The following APOL1 variants were observed in gnomAD, a reference collection of about 807,000 sequenced individuals.
APOL1 encodes the protein apolipoprotein L1.
APOL1 carries 17 observed loss-of-function variants against 14.9 expected under a neutral mutation model. The ratio of observed to expected loss-of-function variants is 1.14; its 90% CI spans 0.78 to 1.71. The LOEUF (loss-of-function observed/expected upper bound fraction) is 1.71. Among genes scored for constraint, APOL1 ranks in the 40% most tolerant of loss-of-function variants. The probability of loss-of-function intolerance (pLI) is 0.00; values close to 1 mark genes in which losing one functional copy is unlikely to be tolerated. For synonymous variants in APOL1, 195 were observed against 184.8 expected, an observed-to-expected ratio of 1.05 and a Z score of -0.45; for missense variants, 523 against 485.9, an observed-to-expected ratio of 1.08 and a Z score of -0.72.
chr22:36,263,624 T>G (rs1415258013), intron 5 of APOL1, among the ~76,000 whole-genome samples: 3 of 152,246 alleles, frequency 2.0e-5, no homozygotes, highest in African/African-American at 7.2e-5. Flanking sequence ...GGACGCTGTG[T>G]TCTCCTGTGT....
chr22:36,256,071 G>T (rs561479985), intron 2 of APOL1, among the ~76,000 whole-genome samples: 1 of 152,018 alleles, frequency 6.6e-6, no homozygotes, highest in South Asian at 2.1e-4. Context: ...CTTCTCCTTC[G>T]TTCAGTGCTT....
Position 36,265,579 on chromosome 22 carries a change from T to C in APOL1, c.743T>C (p.Leu248Pro), listed in dbSNP as rs1268200486. 1.6e-5 allele frequency: 25 copies of C among 1,598,522 alleles called. No individual in the cohort carries two copies. The highest frequency in any genetic ancestry group is 2.0e-5 in the Non-Finnish European group (24 of 1,172,648). ...AQAHDLVIKS[L>P]DKLKEVREFL... ...GCCCACGACCTGGTCATCAAAAGCCTTGACAAATTGAAGGAGGTGAGGGAG... is the reference window on the plus strand; with the variant it reads ...GCCCACGACCTGGTCATCAAAAGCCCTGACAAATTGAAGGAGGTGAGGGAG... The change falls in exon 6 of 6, where the codon CTT (leucine) becomes CCT (proline). Residue 248 changes from leucine to proline, a missense_variant. By Grantham distance (98) the Leu-to-Pro change is moderately conservative (BLOSUM62 -3). Transcript: ENST00000397278.
At chr22:36,262,582 G>A (rs1318503662) in intron 5 of APOL1, among the ~76,000 whole-genome samples, 1 of 152,232 alleles carries the variant, frequency 6.6e-6, no homozygotes, top group Non-Finnish European at 1.5e-5. Context: ...TGTAGGACAA[G>A]CAGGAAGGCT....
chr22:36,254,788 G>C (rs142143947), intron 1 of APOL1, 149 bp from the exon 2 acceptor site: 1 of 962,484 alleles, frequency 1.0e-6, no homozygotes, highest in East Asian at 3.0e-5. Flanking sequence ...GCGTGAACCC[G>C]GGAGGCAGAG....
chr22:36,265,212 G>C lies in APOL1; in HGVS notation c.376G>C (p.Asp126His). The C allele has an allele frequency of 6.2e-7, 1 of 1,614,198 alleles. No individual in the cohort carries two copies. The highest frequency in any genetic ancestry group is 2.2e-5 in the East Asian group (1 of 44,890). ...CCTTGCAAGACAAATGATCATGAAA[G>C]ACAAAAACTGGCACGATAAAGGCCA... ...DNLARQMIMK[D>H]KNWHDKGQQY... The change falls in exon 6 of 6, where the codon GAC becomes CAC. Residue 126 changes from aspartate (D) to histidine (H), a missense_variant. Transcript: ENST00000397278.
intron 1 of APOL1, 112 bp downstream of exon 1, chr22:36,253,331 G>C (rs556789298): frequency 3.8e-6 from 1 of 262,742 alleles, no homozygotes; most frequent in African/African-American, 2.3e-5. Context: ...GGCAAAGCCT[G>C]GATTTGCACC....
rs2016220057 is a variant in APOL1 at position 36,265,610 on chromosome 22, G to C, written c.774G>C (p.Leu258Phe). Residue 258 changes from leucine to phenylalanine, a missense_variant, in exon 6 of 6, where the codon TTG becomes TTC. Coordinates refer to ENST00000397278, the MANE Select transcript of APOL1 (RefSeq NM_003661.4). The part of the protein sequence containing the change: ...LDKLKEVREF[L>F]GENISNFLSL... ...AATTGAAGGAGGTGAGGGAGTTTTT[G>C]GGTGAGAACATATCCAACTTTCTTT... The C allele has an allele frequency of 1.3e-6, 2 of 1,595,484 alleles. No individual in the cohort carries two copies. The highest frequency in any genetic ancestry group is 1.1e-5 in the South Asian group (1 of 87,394).
chr22:36,260,236 T>C (rs1459253522), intron 4 of APOL1, among the ~76,000 whole-genome samples: 1 of 151,814 alleles, frequency 6.6e-6, no homozygotes, highest in East Asian at 1.9e-4. Flanking sequence ...CTACTAAAAA[T>C]ACAAAAAAAA....
Position 36,266,013 on chromosome 22 carries a change from C to T in APOL1, c.1177C>T (p.Gln393Ter). ...TCTCAACAATAATTATAAGATTCTG[C>T]AGGCGGACCAAGAACTGTGACCACA... ...NILNNNYKIL[Q>*]ADQEL The change falls in exon 6 of 6, where the codon CAG becomes TAG. Residue 393 changes from glutamine to a stop codon, truncating the protein, a stop_gained. Transcript: ENST00000397278. LOFTEE classifies it low-confidence loss of function (END_TRUNC). 1.2e-6 allele frequency: 2 copies of T among 1,607,392 alleles called. No individual in the cohort carries two copies. Among genetic ancestry groups the T allele is most frequent in the South Asian group, 1.1e-5 (1 of 89,768 alleles).
At chr22:36,258,803 G>A (rs1401450911) in intron 4 of APOL1, among the ~76,000 whole-genome samples, 1 of 152,132 alleles carries the variant, frequency 6.6e-6, no homozygotes, top group Admixed American at 6.5e-5. Flanking sequence ...CCAAACATGG[G>A]CATACATGGA....
In APOL1 at chr22:36,265,699, G is replaced by A. The variant is rs369288414; in HGVS notation, c.863G>A (p.Arg288Gln). The A allele has an allele frequency of 2.5e-5, 40 of 1,610,638 alleles. No homozygotes were observed. Among genetic ancestry groups the A allele is most frequent in the South Asian group, 1.4e-4 (13 of 90,666 alleles). ...GIGKDIRALR[R>Q]ARANLQSVPH... Reference sequence around the variant, plus strand: ...GGGAAGGACATCCGTGCCCTCAGACGAGCCAGAGCCAATCTTCAGTCAGTA... The same window carrying A: ...GGGAAGGACATCCGTGCCCTCAGACAAGCCAGAGCCAATCTTCAGTCAGTA... Residue 288 changes from arginine to glutamine, a missense_variant, in exon 6 of 6, where the codon CGA becomes CAA. Transcript: ENST00000397278.
rs577639719 is a variant in APOL1 at position 36,257,516 on chromosome 22, A to G, written c.187+109A>G. 96 of 1,141,870 alleles carry G rather than the reference A, an allele frequency of 8.4e-5. 1 individual carries two copies. In the South Asian group the frequency reaches 1.2e-3, roughly 14 times the overall value. The allele number at this position is 1,141,870 out of a possible 1,614,324, so 70.7% of individuals were successfully genotyped here. ...AGAACCCGGATGGACTAGGAGGCCA[A>G]TGAGTCTGCCCAAAGCAGCAGAAGA... On this transcript the variant is annotated intron_variant, in intron 4 of 5. Transcript: ENST00000397278.
intron 4 of APOL1, chr22:36,259,966 AAGG>A: frequency 8.3e-7 from 1 of 1,210,980 alleles, no homozygotes; most frequent in Non-Finnish European, 1.1e-6. Context: ...TTCAAAACAT[AAGG>A]AGTTTTAATG....
chr22:36,259,574 A>G (rs995815866), intron 4 of APOL1: 1 of 1,217,382 alleles, frequency 8.2e-7, no homozygotes, highest in Non-Finnish European at 1.1e-6. Context: ...AGCCGAGAGC[A>G]CTCAGCCGAC....
In APOL1 at chr22:36,257,148, C is replaced by G; in HGVS notation, c.98+12C>G. On this transcript the variant is annotated intron_variant, in intron 3 of 5. Coordinates refer to ENST00000397278, the MANE Select transcript of APOL1 (RefSeq NM_003661.4). ...GAAGCTGGAGCGAGGTGAGTGTCTG[C>G]AAATAGCAGATGATGGGGGCTCAGT... 1 of 1,614,136 alleles carries G rather than the reference C, an allele frequency of 6.2e-7. No homozygotes were observed. The highest frequency in any genetic ancestry group is 8.5e-7 in the Non-Finnish European group (1 of 1,180,008).
Position 36,266,628 on chromosome 22 carries a change from G to A in APOL1, c.*595G>A, listed in dbSNP as rs1388182358. The A allele has an allele frequency of 4.5e-5, 18 of 397,418 alleles. No individual in the cohort carries two copies. The highest frequency in any genetic ancestry group is 1.3e-4 in the South Asian group (1 of 7,848). 24.6% of individuals were successfully genotyped at this position (397,418 alleles called of 1,614,324 possible). ...AGACTAAAGAATATATTGGGGGGCC[G>A]GGTGTAGTGGCTCATGCCTGTAATC... On this transcript the variant is annotated 3_prime_UTR_variant, in exon 6 of 6. Coordinates refer to ENST00000397278, the MANE Select transcript of APOL1 (RefSeq NM_003661.4).
Position 36,253,147 on chromosome 22 carries a change from T to A in APOL1, c.-92T>A. The A allele has an allele frequency of 2.0e-6, 1 of 492,676 alleles. No homozygotes were observed. The highest frequency in any genetic ancestry group is 4.0e-6 in the Non-Finnish European group (1 of 247,154). 30.5% of individuals were successfully genotyped at this position (492,676 alleles called of 1,614,324 possible). On this transcript the variant is annotated 5_prime_UTR_variant, in exon 1 of 6. Coordinates refer to ENST00000397278, the MANE Select transcript of APOL1 (RefSeq NM_003661.4). ...CCTGTCTGGTTATTATACAGACGCA[T>A]AACTGGAGGTGGGATCCACACAGCT...
At chr22:36,261,311 A>G (rs2146305052) in intron 4 of APOL1, among the ~76,000 whole-genome samples, 1 of 152,170 alleles carries the variant, frequency 6.6e-6, no homozygotes, top group East Asian at 1.9e-4. Context: ...TGTTCTTACA[A>G]TAGGACACTA....
At chr22:36,254,553 CA>C (rs1197270864) in intron 1 of APOL1, among the ~76,000 whole-genome samples, 1 of 152,028 alleles carries the variant, frequency 6.6e-6, no homozygotes, top group Non-Finnish European at 1.5e-5. Flanking sequence ...GGTGACAGAG[CA>C]AAACTGTTTA....
Sources: allele counts gnomAD v4.1 joint callset (sites outside exome capture counted in the v4.1 genomes callset), GRCh38; gene constraint gnomAD v4.1.1; transcripts MANE v1.5; gene names NCBI Gene and HGNC (gene_info 2026-07-23, HGNC 2026-07-21).